Variants in FAM220A observed in about 807,000 individuals in gnomAD.
FAM220A encodes the protein family with sequence similarity 220 member A.
For missense variants in FAM220A, 392 were observed against 321.6 expected, an observed-to-expected ratio of 1.22 and a Z score of -1.68; for synonymous variants, 141 against 130.7, an observed-to-expected ratio of 1.08 and a Z score of -0.54.
chr7:6,347,545 TACAGC>T (rs1236585208), intron 1 of FAM220A, among the ~76,000 whole-genome samples: 2 of 151,846 alleles, frequency 1.3e-5, no homozygotes, highest in African/African-American at 4.8e-5. Context: ...ACCAATTTTT[TACAGC>T]AAAGGCGGTC....
chr7:6,337,329 C>T (rs1465916563), intron 1 of FAM220A, among the ~76,000 whole-genome samples: 2 of 152,080 alleles, frequency 1.3e-5, no homozygotes, highest in Non-Finnish European at 2.9e-5. Flanking sequence ...ACCATGATGG[C>T]CAGGCTGGTC....
chr7:6,330,390 T>C lies in FAM220A; in HGVS notation c.765A>G (p.Thr255=). Residue 255 remains threonine, a synonymous_variant, in exon 2 of 2, where the codon ACA becomes ACG. Coordinates refer to ENST00000313324, the MANE Select transcript of FAM220A (RefSeq NM_001037163.2). ...TGCTTGTACCTTAACTATGGCATAA[T>C]GTATTTGCTAATTCAAAAGGTTGCA... ...LALQPFELAN[T]LCHS The C allele has an allele frequency of 3.1e-6, 5 of 1,612,454 alleles. No homozygotes were observed. The highest frequency in any genetic ancestry group is 4.2e-6 in the Non-Finnish European group (5 of 1,179,588).
At chr7:6,340,375 A>C (rs983621072) in intron 1 of FAM220A, among the ~76,000 whole-genome samples, 1 of 152,124 alleles carries the variant, frequency 6.6e-6, no homozygotes, top group Admixed American at 6.6e-5. Context: ...GGTGCGGTGG[A>C]GGACGGAGAA....
In FAM220A at chr7:6,348,562, G is replaced by T; in HGVS notation, c.-82+11C>A. 2.3e-6 allele frequency: 1 copy of T among 432,796 alleles called. No homozygotes were observed. The allele number at this position is 432,796 out of a possible 1,614,324, so 26.8% of individuals were successfully genotyped here. A position where few individuals can be genotyped will look rare whatever the true frequency, so the allele number is the denominator to read the frequency against. On this transcript the variant is annotated intron_variant, in intron 1 of 1. Coordinates refer to ENST00000313324, the MANE Select transcript of FAM220A (RefSeq NM_001037163.2). ...GGAGGGCCGGGGGCCGGGCAGGCAC[G>T]GCTCACCCACCTGCAGGCGGACGTT...
chr7:6,348,528 G>C (rs1372697287), intron 1 of FAM220A, 45 bp downstream of exon 1: 1 of 413,772 alleles, frequency 2.4e-6, no homozygotes, highest in Middle Eastern at 6.2e-4. Context: ...GGGCGAGGCG[G>C]GCGCTCGGGG....
intron 1 of FAM220A, among the ~76,000 whole-genome samples, chr7:6,335,725 T>C (rs1262014694): frequency 1.3e-5 from 2 of 152,120 alleles, no homozygotes; most frequent in Non-Finnish European, 2.9e-5. Flanking sequence ...CATTATTCTA[T>C]ATAATTCACT....
At chr7:6,341,708 T>C (rs1781861585) in intron 1 of FAM220A, among the ~76,000 whole-genome samples, 1 of 148,800 alleles carries the variant, frequency 6.7e-6, no homozygotes, top group African/African-American at 2.5e-5. Flanking sequence ...AAAAAAATTA[T>C]GAGTGCGCGC....
intron 1 of FAM220A, among the ~76,000 whole-genome samples, chr7:6,344,479 G>A (rs983550279): frequency 1.3e-5 from 2 of 152,020 alleles, no homozygotes; most frequent in African/African-American, 4.8e-5. Flanking sequence ...CTGGAGTACA[G>A]TGGTACAATT....
intron 1 of FAM220A, among the ~76,000 whole-genome samples, chr7:6,347,480 C>T (rs1205772975): frequency 1.3e-5 from 2 of 151,490 alleles, no homozygotes; most frequent in Non-Finnish European, 2.9e-5. Context: ...GGCGCCACCG[C>T]ACTCCAGCTT....
At chr7:6,340,898 CA>C (rs34572127) in intron 1 of FAM220A, among the ~76,000 whole-genome samples, 119 of 33,694 alleles carry the variant, frequency 3.5e-3, no homozygotes, top group Admixed American at 5.2e-3. Context: ...GACTCCATCT[CA>C]AAAAAAAAAA....
chr7:6,337,491 C>A (rs2115136605), intron 1 of FAM220A, among the ~76,000 whole-genome samples: 1 of 151,842 alleles, frequency 6.6e-6, no homozygotes, highest in South Asian at 2.1e-4. Context: ...AAGTTTCTAA[C>A]CATTTTTAGT....
chr7:6,332,677 G>A (rs1034846063), intron 1 of FAM220A, among the ~76,000 whole-genome samples: 2 of 151,906 alleles, frequency 1.3e-5, no homozygotes, highest in South Asian at 2.1e-4. Context: ...TCTGACCTGG[G>A]CAATGGAGTC....
At chr7:6,334,366 T>C (rs949526751) in intron 1 of FAM220A, among the ~76,000 whole-genome samples, 1 of 151,230 alleles carries the variant, frequency 6.6e-6, no homozygotes, top group African/African-American at 2.4e-5. Context: ...TAAAACCCCA[T>C]CTCTACTAAA....
At chr7:6,339,951 C>T (rs1474480332) in intron 1 of FAM220A, among the ~76,000 whole-genome samples, 1 of 152,208 alleles carries the variant, frequency 6.6e-6, no homozygotes, top group East Asian at 1.9e-4. Context: ...GCTGCATGAT[C>T]TCAGCTCACT....
In FAM220A at chr7:6,348,750, C is replaced by G. The variant is rs1296639070; in HGVS notation, c.-259G>C. On this transcript the variant is annotated 5_prime_UTR_variant, in exon 1 of 2. Coordinates refer to ENST00000313324, the MANE Select transcript of FAM220A (RefSeq NM_001037163.2). ...GCCGGACAGCCAGGCCCGACAGAGC[C>G]GCCGCCATATAGAGACCGGCGCTCC... 2.4e-6 allele frequency: 1 copy of G among 408,914 alleles called. No homozygotes were observed. The highest frequency in any genetic ancestry group is 2.1e-5 in the African/African-American group (1 of 48,698). The allele number at this position is 408,914 out of a possible 1,614,324, so 25.3% of individuals were successfully genotyped here. A position where few individuals can be genotyped will look rare whatever the true frequency, so the allele number is the denominator to read the frequency against.
chr7:6,332,866 T>A (rs1781664011), intron 1 of FAM220A, among the ~76,000 whole-genome samples: 1 of 151,884 alleles, frequency 6.6e-6, no homozygotes, highest in Admixed American at 6.6e-5. Context: ...CATTAAGATT[T>A]GTTATAAATT....
At position 6,329,549 on chromosome 7, in the gene FAM220A, G is replaced by C. The variant is rs1202073825; in HGVS notation, c.*826C>G. 6.5e-6 allele frequency: 1 copy of C among 153,680 alleles called. No homozygotes were observed. The highest frequency in any genetic ancestry group is 2.4e-5 in the African/African-American group (1 of 41,434). 9.5% of individuals were successfully genotyped at this position (153,680 alleles called of 1,614,324 possible). Reference sequence around the variant, plus strand: ...AATCGATAATCCCGAAAATGTTTAAGTTTCACTTTGGGAGTCTTTAAAAAC... The same window carrying C: ...AATCGATAATCCCGAAAATGTTTAACTTTCACTTTGGGAGTCTTTAAAAAC... On this transcript the variant is annotated 3_prime_UTR_variant, in exon 2 of 2. Transcript: ENST00000313324.
At chr7:6,343,216 A>C (rs2115147090) in intron 1 of FAM220A, among the ~76,000 whole-genome samples, 1 of 150,966 alleles carries the variant, frequency 6.6e-6, no homozygotes, top group South Asian at 2.1e-4. Flanking sequence ...GTCTCTACTA[A>C]AAATACAATA....
At chr7:6,346,939 G>C (rs1781962069) in intron 1 of FAM220A, among the ~76,000 whole-genome samples, 1 of 152,158 alleles carries the variant, frequency 6.6e-6, no homozygotes, top group East Asian at 1.9e-4. Flanking sequence ...CTTCAGCACA[G>C]AGGTATGCAA....
Sources: allele counts gnomAD v4.1 joint callset (sites outside exome capture counted in the v4.1 genomes callset), GRCh38; gene constraint gnomAD v4.1.1; transcripts MANE v1.5; gene names NCBI Gene and HGNC (gene_info 2026-07-23, HGNC 2026-07-21).